Variants in TRPM6 observed in about 807,000 individuals in gnomAD.
TRPM6 encodes channel kinase 2.
TRPM6 carries 111 observed loss-of-function variants against 247.6 expected under a neutral mutation model. The observed-to-expected ratio is 0.45, with a 90% CI of 0.38 to 0.52. TRPM6 has a LOEUF of 0.52. Ranked by LOEUF, TRPM6 falls within the 20% of genes least tolerant of loss-of-function variation. TRPM6 has a pLI of 0.00. For synonymous variants in TRPM6, 892 were observed against 853.8 expected (o/e 1.04, Z -0.78); for missense variants, 2,126 against 2,421.5 (o/e 0.88, Z 2.56).
At chr9:74,781,536 C>CAAAAAAAAAAAAAAAAAAAAAAA (rs35938872) in intron 23 of TRPM6, among the ~76,000 whole-genome samples, 1 of 93,552 alleles carries the variant, frequency 1.1e-5, no homozygotes, top group African/African-American at 4.3e-5. Flanking sequence ...GACTCTATCT[C>CAAAAAAAAAAAAAAAAAAAAAAA]AAAAAAAAAA....
chr9:74,829,642 T>C (rs1829476572), intron 6 of TRPM6, among the ~76,000 whole-genome samples: 1 of 152,140 alleles, frequency 6.6e-6, no homozygotes, highest in South Asian at 2.1e-4. Flanking sequence ...TTATAAACAT[T>C]AGGCTTTAAA....
Position 74,810,886 on chromosome 9 carries a change from AG to A in TRPM6, c.1444-19del, listed in dbSNP as rs1379697211. The A allele has an allele frequency of 3.1e-6, 5 of 1,607,900 alleles. No individual in the cohort carries two copies. Among genetic ancestry groups the A allele is most frequent in the Middle Eastern group, 3.3e-4 (2 of 6,066 alleles). On this transcript the variant is annotated intron_variant, in intron 12 of 38. Coordinates refer to ENST00000360774, the MANE Select transcript of TRPM6 (RefSeq NM_017662.5). ...CCTTGTTTCTGAAATAAAGAACAAA[AG>A]GAAGAATTATTCTCTTTAATTACCA...
chr9:74,764,803 C>T (rs982885805), intron 25 of TRPM6, among the ~76,000 whole-genome samples: 2 of 152,006 alleles, frequency 1.3e-5, no homozygotes, highest in Non-Finnish European at 1.5e-5. Context: ...TTTGATGAGG[C>T]ATTGATATCT....
intron 2 of TRPM6, among the ~76,000 whole-genome samples, chr9:74,857,979 T>C (rs1400382665): frequency 6.6e-6 from 1 of 152,198 alleles, no homozygotes; most frequent in African/African-American, 2.4e-5. Context: ...ACACTAGATA[T>C]TTCTGTAACG....
intron 18 of TRPM6, among the ~76,000 whole-genome samples, chr9:74,796,090 C>T (rs181310083): frequency 3.9e-4 from 60 of 152,278 alleles, no homozygotes; most frequent in Admixed American, 1.2e-3. Context: ...ATCTTATCTA[C>T]CCCATCAAAA....
chr9:74,826,895 C>T (rs1218437605), intron 7 of TRPM6: 1 of 152,358 alleles, frequency 6.6e-6, no homozygotes, highest in Non-Finnish European at 1.5e-5. Flanking sequence ...TGCACCACCA[C>T]ACCTGGCTAA....
intron 6 of TRPM6, among the ~76,000 whole-genome samples, chr9:74,832,894 T>C (rs1464457853): frequency 6.6e-6 from 1 of 151,862 alleles, no homozygotes; most frequent in Non-Finnish European, 1.5e-5. Context: ...CTACTAAAAA[T>C]ACAAAAATTT....
chr9:74,866,148 T>TA (rs1830838157), intron 1 of TRPM6, among the ~76,000 whole-genome samples: 1 of 152,168 alleles, frequency 6.6e-6, no homozygotes. Flanking sequence ...TCCAATAATA[T>TA]AAAAAATAGA....
chr9:74,871,000 T>A (rs1047898171), intron 1 of TRPM6, among the ~76,000 whole-genome samples: 1 of 151,924 alleles, frequency 6.6e-6, no homozygotes, highest in African/African-American at 2.4e-5. Context: ...TTTTAAAAAA[T>A]AATAATAATT....
In TRPM6 at chr9:74,744,027, T is replaced by G. The variant is rs1825951106; in HGVS notation, c.5134+68A>C. ...CAGTAACACAGAATTTGTCAGTGTT[T>G]CTGTTTACAAATGCAGAAGCACAGA... On this transcript the variant is annotated intron_variant, in intron 32 of 38. Coordinates refer to ENST00000360774, the MANE Select transcript of TRPM6 (RefSeq NM_017662.5). 3 of 1,487,220 alleles carry G rather than the reference T, an allele frequency of 2.0e-6. No homozygotes were observed. The East Asian group carries it at 6.8e-5, about 34-fold the overall frequency. The allele number at this position is 1,487,220 out of a possible 1,614,324, so 92.1% of individuals were successfully genotyped here.
rs966803807 is a variant in TRPM6 at position 74,870,932 on chromosome 9, C to CA, written c.34-12185dup. On this transcript the variant is annotated intron_variant, in intron 1 of 38. Transcript: ENST00000360774. The stretch of plus-strand genomic sequence containing the variant: ...TAGGTGACAGAGAGATACTCCGTCT[C>CA]AAAAAAAAAGAAAAGAAAAGAAAAA... 1.3e-3 allele frequency among the ~76,000 whole-genome samples: 187 copies of CA among 145,250 alleles called. 1 individual carries two copies. Among genetic ancestry groups the CA allele is most frequent in the African/African-American group, 4.5e-3 (178 of 39,284 alleles).
At chr9:74,727,646 C>T (rs2118675543) in intron 38 of TRPM6, among the ~76,000 whole-genome samples, 1 of 152,230 alleles carries the variant, frequency 6.6e-6, no homozygotes, top group African/African-American at 2.4e-5. Flanking sequence ...GAAACAGAGC[C>T]AGGACTGCCC....
intron 1 of TRPM6, among the ~76,000 whole-genome samples, chr9:74,877,217 G>A (rs1831220889): frequency 6.6e-6 from 1 of 152,134 alleles, no homozygotes; most frequent in African/African-American, 2.4e-5. Flanking sequence ...TCCACTCCTA[G>A]GTATCGCCCC....
intron 35 of TRPM6, 74 bp downstream of exon 35, chr9:74,739,293 T>G: frequency 1.5e-6 from 2 of 1,317,824 alleles, no homozygotes; most frequent in Non-Finnish European, 2.2e-6. Flanking sequence ...AGATTTCTCA[T>G]GAGTAATGGG....
intron 11 of TRPM6, among the ~76,000 whole-genome samples, chr9:74,814,920 T>C (rs1252174348): frequency 6.6e-6 from 1 of 152,036 alleles, no homozygotes; most frequent in East Asian, 1.9e-4. Context: ...TGCACTCCAG[T>C]ATAGGTGACA....
At chr9:74,785,368 A>G (rs188327994) in intron 21 of TRPM6, among the ~76,000 whole-genome samples, 155 of 152,348 alleles carry the variant, frequency 1.0e-3, no homozygotes, top group Non-Finnish European at 1.9e-3. Flanking sequence ...CTAAAAGAGT[A>G]TAAGTGAGTT....
intron 24 of TRPM6, among the ~76,000 whole-genome samples, chr9:74,773,894 G>A (rs747362352): frequency 6.6e-6 from 1 of 152,018 alleles, no homozygotes; most frequent in Non-Finnish European, 1.5e-5. Context: ...GAAAAGATTC[G>A]GTATCTCCCA....
In TRPM6 at chr9:74,750,682, T is replaced by C; in HGVS notation, c.5039A>G (p.Asn1680Ser). The C allele has an allele frequency of 6.2e-7, 1 of 1,613,830 alleles. No homozygotes were observed. Among genetic ancestry groups the C allele is most frequent in the Non-Finnish European group, 8.5e-7 (1 of 1,179,784 alleles). ...KNSLWNSRST[N>S]LNRNSLLKSS... ...TACTCACAGGGAGTTCCTATTGAGGTTGGTGCTCCTGGAATTCCACAAAGA... is the reference window on the plus strand; with the variant it reads ...TACTCACAGGGAGTTCCTATTGAGGCTGGTGCTCCTGGAATTCCACAAAGA... The change falls in exon 30 of 39, where the codon AAC (asparagine) becomes AGC (serine). Residue 1680 changes from asparagine to serine, a missense_variant. Asn to Ser is a conservative substitution (Grantham distance 46, BLOSUM62 1). Around this residue, in one of 3 missense-constraint regions of TRPM6, gnomAD observed 717 missense variants for 715.9 expected, o/e 1.00. Coordinates refer to ENST00000360774, the MANE Select transcript of TRPM6 (RefSeq NM_017662.5).
At chr9:74,749,653 G>A (rs752795399) in intron 30 of TRPM6, among the ~76,000 whole-genome samples, 5 of 152,182 alleles carry the variant, frequency 3.3e-5, no homozygotes, top group African/African-American at 1.2e-4. Flanking sequence ...GGCCACAGGC[G>A]AGTCTGAATA....
Sources: allele counts gnomAD v4.1 joint callset (sites outside exome capture counted in the v4.1 genomes callset), GRCh38; gene constraint gnomAD v4.1.1; regional missense constraint gnomAD v4.1.1; transcripts MANE v1.5; gene names NCBI Gene and HGNC (gene_info 2026-07-23, HGNC 2026-07-21).